The following SCN8A variants were observed in gnomAD, a reference collection of about 807,000 sequenced individuals.
The protein encoded by SCN8A is sodium channel protein type 8 subunit alpha.
Under a neutral mutation model 184.1 loss-of-function variants are expected in SCN8A, and 30 were observed. The observed-to-expected ratio is 0.16, with a 90% confidence interval of 0.12 to 0.22. The LOEUF (loss-of-function observed/expected upper bound fraction) is 0.22, where lower values mean the gene tolerates loss of function less well. Ranked by LOEUF, SCN8A falls within the 10% of genes least tolerant of loss-of-function variation. SCN8A has a pLI of 1.00. For missense variants in SCN8A, 1,057 were observed against 2,498.9 expected, an observed-to-expected ratio of 0.42 and a Z score of 12.30; for synonymous variants, 852 against 907.0, an observed-to-expected ratio of 0.94 and a Z score of 1.09.
intron 2 of SCN8A, among the ~76,000 whole-genome samples, chr12:51,667,397 T>C (rs1941052884): frequency 6.6e-6 from 1 of 152,040 alleles, no homozygotes; most frequent in South Asian, 2.1e-4. Context: ...AGACAGAGTC[T>C]AACTCCAAGT....
chr12:51,632,759 T>G (rs1014858937), intron 1 of SCN8A, among the ~76,000 whole-genome samples: 1 of 152,214 alleles, frequency 6.6e-6, no homozygotes, highest in South Asian at 2.1e-4. Context: ...ATGAGTACAC[T>G]TGAAGCCTGA....
intron 5 of SCN8A, among the ~76,000 whole-genome samples, chr12:51,687,681 C>CATG (rs761821978): frequency 3.9e-5 from 6 of 152,162 alleles, no homozygotes; most frequent in Admixed American, 2.0e-4. Context: ...AGAGTCAAAA[C>CATG]ATGAGCCAAG....
At position 51,638,720 on chromosome 12, in the gene SCN8A, C is replaced by T. The variant is rs113155191; in HGVS notation, c.-54-24044C>T. ...CAGGATGGTCTCGATCTCTTGACTT[C>T]ATGATCCACCCTCCTCAGCCTCCCA... On this transcript the variant is annotated intron_variant, in intron 1 of 26. Coordinates refer to ENST00000627620, the MANE Select transcript of SCN8A (RefSeq NM_001330260.2). Among the ~76,000 whole-genome samples the T allele has an allele frequency of 3.9e-3, 597 of 152,200 alleles. 3 individuals carry two copies. Among genetic ancestry groups the T allele is most frequent in the African/African-American group, 0.013 (556 of 41,524 alleles).
chr12:51,599,592 T>C (rs1234852789), intron 1 of SCN8A, among the ~76,000 whole-genome samples: 1 of 152,144 alleles, frequency 6.6e-6, no homozygotes, highest in Non-Finnish European at 1.5e-5. Context: ...ATGGAGAATG[T>C]AGAATTTAGA....
At chr12:51,770,251 A>C in intron 18 of SCN8A, 1 of 586,144 alleles carries the variant, frequency 1.7e-6, no homozygotes. Context: ...CTGTTCTGTC[A>C]TGGCTGTGCC....
At chr12:51,634,691 C>G (rs984977074) in intron 1 of SCN8A, among the ~76,000 whole-genome samples, 1 of 149,168 alleles carries the variant, frequency 6.7e-6, no homozygotes, top group African/African-American at 2.5e-5. Context: ...TGCTGTCACC[C>G]AGGCTGGAGT....
chr12:51,624,399 A>G (rs1039049332), intron 1 of SCN8A, among the ~76,000 whole-genome samples: 5 of 152,178 alleles, frequency 3.3e-5, no homozygotes, highest in East Asian at 1.9e-4. Context: ...TTTTGGCTGC[A>G]TAAATGTCTT....
chr12:51,711,081 C>G (rs566505066), intron 11 of SCN8A, among the ~76,000 whole-genome samples: 58 of 152,312 alleles, frequency 3.8e-4, no homozygotes, highest in Middle Eastern at 6.8e-3. Flanking sequence ...CTTCACCTCT[C>G]CTTTCTTCTA....
intron 12 of SCN8A, among the ~76,000 whole-genome samples, chr12:51,741,841 A>C (rs1942428764): frequency 6.6e-6 from 1 of 152,058 alleles, no homozygotes; most frequent in African/African-American, 2.4e-5. Flanking sequence ...AGTAGCTGGG[A>C]TTACAAGCAT....
rs977668616 is a variant in SCN8A at position 51,810,445 on chromosome 12, G to A, written c.*3016G>A. The A allele has an allele frequency of 6.6e-6, 3 of 452,528 alleles. No individual in the cohort carries two copies. Among genetic ancestry groups the A allele is most frequent in the Non-Finnish European group, 1.3e-5 (3 of 225,554 alleles). 28.0% of individuals were successfully genotyped at this position (452,528 alleles called of 1,614,324 possible). On this transcript the variant is annotated 3_prime_UTR_variant, in exon 27 of 27. Transcript: ENST00000627620. ...GATGACGTTTTTGTGCATCTTCGCT[G>A]AGTGGGTAAGTGGCAATGCTTTGCC...
chr12:51,701,293 T>C (rs565198389), intron 8 of SCN8A, 86 bp downstream of exon 8: 1 of 799,774 alleles, frequency 1.3e-6, no homozygotes, highest in South Asian at 2.7e-5. Context: ...ATGTTTACTT[T>C]TCTTTGTGCT....
chr12:51,809,084 A>G lies in SCN8A; in HGVS notation c.*1655A>G, dbSNP rs1592176578. On this transcript the variant is annotated 3_prime_UTR_variant, in exon 27 of 27. Transcript: ENST00000627620. Reference sequence around the variant, plus strand: ...AGCTTCCCTCAGTGCATTCCCTTGCAGCCAGTTTTGCTATCTGCTTAGCGA... The same window carrying G: ...AGCTTCCCTCAGTGCATTCCCTTGCGGCCAGTTTTGCTATCTGCTTAGCGA... 1 of 152,196 alleles carries G rather than the reference A, an allele frequency of 6.6e-6. No individual in the cohort carries two copies. The highest frequency in any genetic ancestry group is 1.9e-4 in the East Asian group (1 of 5,196). The allele number at this position is 152,196 out of a possible 1,614,324, so 9.4% of individuals were successfully genotyped here. A position where few individuals can be genotyped will look rare whatever the true frequency, so the allele number is the denominator to read the frequency against.
At chr12:51,702,988 G>C (rs1020721245) in intron 9 of SCN8A, 74 bp downstream of exon 9, 1 of 1,372,244 alleles carries the variant, frequency 7.3e-7, no homozygotes, top group African/African-American at 1.4e-5. Context: ...TTCTGTGTGA[G>C]AGACATTTAG....
At position 51,646,716 on chromosome 12, in the gene SCN8A, G is replaced by A. The variant is rs995739079; in HGVS notation, c.-54-16048G>A. 3.9e-5 allele frequency among the ~76,000 whole-genome samples: 6 copies of A among 152,198 alleles called. No individual in the cohort carries two copies. In the South Asian group the frequency reaches 6.2e-4, roughly 16 times the overall value. On this transcript the variant is annotated intron_variant, in intron 1 of 26. Transcript: ENST00000627620. ...AGACTACAAAGGGTTTTCTGTTTGC[G>A]ATATAAAGGGAAAGGCTCTTGTGCC...
intron 14 of SCN8A, among the ~76,000 whole-genome samples, chr12:51,755,976 G>A (rs1466240141): frequency 6.6e-6 from 1 of 151,480 alleles, no homozygotes; most frequent in African/African-American, 2.4e-5. Context: ...CCCGAGCCGT[G>A]TCCTCCATGT....
intron 26 of SCN8A, among the ~76,000 whole-genome samples, chr12:51,801,635 C>T (rs1450077245): frequency 6.6e-6 from 1 of 152,210 alleles, no homozygotes; most frequent in African/African-American, 2.4e-5. Flanking sequence ...AACACAGAAT[C>T]CCTGCTTAGT....
At chr12:51,597,348 C>A (rs1939371140) in intron 1 of SCN8A, among the ~76,000 whole-genome samples, 1 of 152,086 alleles carries the variant, frequency 6.6e-6, no homozygotes, top group African/African-American at 2.4e-5. Flanking sequence ...CATTCACAGG[C>A]TCCTTTCATA....
intron 13 of SCN8A, among the ~76,000 whole-genome samples, chr12:51,748,240 C>T (rs1411623209): frequency 6.6e-6 from 1 of 152,144 alleles, no homozygotes; most frequent in Admixed American, 6.5e-5. Flanking sequence ...AGTTAGGAAA[C>T]TTTGACATTA....
chr12:51,788,088 C>T (rs1332097031), intron 22 of SCN8A, among the ~76,000 whole-genome samples: 1 of 152,054 alleles, frequency 6.6e-6, no homozygotes, highest in African/African-American at 2.4e-5. Flanking sequence ...GTGAATAGTA[C>T]ATGGATTATC....
Sources: gnomAD v4.1 joint callset for allele counts (sites outside exome capture counted in the v4.1 genomes callset) on GRCh38, gnomAD v4.1.1 for gene constraint, MANE v1.5 for transcripts, NCBI Gene and HGNC (gene_info 2026-07-23, HGNC 2026-07-21) for gene names.